VTCN1: variants seen among roughly 807,000 people sequenced by gnomAD.
VTCN1 encodes V-set domain-containing T-cell activation inhibitor 1.
In VTCN1, 26 loss-of-function variants were observed where a neutral mutation model predicts 26.5. The ratio of observed to expected loss-of-function variants is 0.98; its 90% CI spans 0.72 to 1.36. The LOEUF is 1.36. Ranked by LOEUF, VTCN1 falls within the 40% of genes most tolerant of loss-of-function variation. The pLI is 0.00. For missense variants in VTCN1, 298 were observed against 337.7 expected, an observed-to-expected ratio of 0.88 and a Z score of 0.92; for synonymous variants, 116 against 130.7, an observed-to-expected ratio of 0.89 and a Z score of 0.77.
At position 117,175,773 on chromosome 1, in the gene VTCN1, CT is replaced by C. The variant is rs1283482845; in HGVS notation, c.33-5603del. Among the ~76,000 whole-genome samples the C allele has an allele frequency of 9.9e-4, 38 of 38,292 alleles. No homozygotes were observed. Among genetic ancestry groups the C allele is most frequent in the Non-Finnish European group, 2.0e-3 (18 of 9,018 alleles). The allele number at this position is 38,292 out of a possible 152,430, so 25.1% of individuals were successfully genotyped here. A position where few individuals can be genotyped will look rare whatever the true frequency, so the allele number is the denominator to read the frequency against. ...GATACCTATCTCTCTCTCTCTCTCT[CT>C]TTTTTTTTTTTTTTGAGATGGAGTT... On this transcript the variant is annotated intron_variant, in intron 1 of 5. Coordinates refer to ENST00000369458, the MANE Select transcript of VTCN1 (RefSeq NM_024626.4). This position sits in a 1 kb window ranked among gnomAD's most constrained non-coding sequence, Gnocchi z 4.2.
intron 1 of VTCN1, chr1:117,203,824 C>G (rs780062180): frequency 3.1e-6 from 3 of 977,476 alleles, no homozygotes; most frequent in Non-Finnish European, 2.4e-6. Flanking sequence ...CTTGTTACGC[C>G]ACAGATTACC....
chr1:117,204,697 TC>T lies in VTCN1; in HGVS notation c.32+6126del, dbSNP rs1248783210. On this transcript the variant is annotated intron_variant, in intron 1 of 5. Coordinates refer to ENST00000369458, the MANE Select transcript of VTCN1 (RefSeq NM_024626.4). ...CTGGCTAACACGGTGAAACCTCGTC[TC>T]TACTAAAAATACAAAAAATTAGCTG... Among the ~76,000 whole-genome samples, 4 of 151,934 alleles carry T rather than the reference TC, an allele frequency of 2.6e-5. No homozygotes were observed. The East Asian group carries it at 7.7e-4, about 29-fold the overall frequency.
chr1:117,146,901 T>G lies in VTCN1; in HGVS notation c.*45+712A>C, dbSNP rs1651541110. ...CAAAACCAGTCGGGGTGTGAGATGA[T>G]GAAGGCTGGATTAGGGTCAATCTGA... On this transcript the variant is annotated intron_variant, in intron 5 of 5. Coordinates refer to ENST00000369458, the MANE Select transcript of VTCN1 (RefSeq NM_024626.4). The surrounding 1 kb of genome is among the most constrained non-coding windows in gnomAD (Gnocchi z 4.2). 6.6e-6 allele frequency among the ~76,000 whole-genome samples: 1 copy of G among 152,002 alleles called. No homozygotes were observed. Among genetic ancestry groups the G allele is most frequent in the Non-Finnish European group, 1.5e-5 (1 of 68,004 alleles).
In VTCN1 at chr1:117,145,431, C is replaced by G. The variant is rs7523182; in HGVS notation, c.*46-206G>C. On this transcript the variant is annotated intron_variant, in intron 5 of 5. Coordinates refer to ENST00000369458, the MANE Select transcript of VTCN1 (RefSeq NM_024626.4). This position sits in a 1 kb window ranked among gnomAD's most constrained non-coding sequence, Gnocchi z 4.6. ...AGAGATGGCTTGAATCTCTCCTTAA[C>G]GGGGTATCATCCCAGTGGCAGTCTC... Among the ~76,000 whole-genome samples, 12,234 of 152,140 alleles carry G rather than the reference C, an allele frequency of 0.08. 675 individuals carry two copies. The highest frequency in any genetic ancestry group is 0.16 in the Middle Eastern group (48 of 294).
intron 4 of VTCN1, among the ~76,000 whole-genome samples, chr1:117,149,102 G>T (rs1651660964): frequency 6.6e-6 from 1 of 152,174 alleles, no homozygotes; most frequent in Non-Finnish European, 1.5e-5. Context: ...GATGACACTG[G>T]TGGGGATCCC....
intron 4 of VTCN1, among the ~76,000 whole-genome samples, chr1:117,152,366 T>C (rs1046918313): frequency 6.6e-6 from 1 of 152,216 alleles, no homozygotes; most frequent in Non-Finnish European, 1.5e-5. Flanking sequence ...CCTGACGTAC[T>C]CCTTTCACTA....
chr1:117,199,048 G>C (rs544319711), intron 1 of VTCN1, among the ~76,000 whole-genome samples: 156 of 152,260 alleles, frequency 1.0e-3, no homozygotes, highest in African/African-American at 3.6e-3. Context: ...GTGGGAGAAG[G>C]CCCTAGATGC....
chr1:117,182,517 T>C (rs1647721531), intron 1 of VTCN1, among the ~76,000 whole-genome samples: 2 of 152,206 alleles, frequency 1.3e-5, no homozygotes, highest in Non-Finnish European at 2.9e-5. Flanking sequence ...GCGGCTGCTC[T>C]GGTACCATAA....
At chr1:117,191,128 A>G (rs1348752897) in intron 1 of VTCN1, among the ~76,000 whole-genome samples, 1 of 152,254 alleles carries the variant, frequency 6.6e-6, no homozygotes, top group African/African-American at 2.4e-5. Context: ...ATCACAGAAC[A>G]GAAACATTTG....
In VTCN1 at chr1:117,159,778, C is replaced by T. The variant is rs1005380796; in HGVS notation, c.98-2857G>A. Among the ~76,000 whole-genome samples, 1 of 152,188 alleles carries T rather than the reference C, an allele frequency of 6.6e-6. No individual in the cohort carries two copies. The highest frequency in any genetic ancestry group is 6.5e-5 in the Admixed American group (1 of 15,284). On this transcript the variant is annotated intron_variant, in intron 2 of 5. Coordinates refer to ENST00000369458, the MANE Select transcript of VTCN1 (RefSeq NM_024626.4). This position sits in a 1 kb window ranked among gnomAD's most constrained non-coding sequence, Gnocchi z 4.7. Reference sequence around the variant, plus strand: ...TGTTTGAATGACATAGAAACTAAGGCAGTGAGAAAATAACTGATTTGATCA... The same window carrying T: ...TGTTTGAATGACATAGAAACTAAGGTAGTGAGAAAATAACTGATTTGATCA...
In VTCN1 at chr1:117,210,856, G is replaced by A. The variant is rs1649314021; in HGVS notation, c.-1C>T. The A allele has an allele frequency of 6.2e-7, 1 of 1,614,036 alleles. No individual in the cohort carries two copies. Among genetic ancestry groups the A allele is most frequent in the African/African-American group, 1.3e-5 (1 of 74,940 alleles). On this transcript the variant is annotated 5_prime_UTR_variant, in exon 1 of 6. Transcript: ENST00000369458. ...AGAGGATCTGCCCCAGGGAAGCCAT[G>A]GCTGGGGAAGGTTCCCAGCGTATCT...
At position 117,147,882 on chromosome 1, in the gene VTCN1, G is replaced by C. The variant is rs894133351; in HGVS notation, c.725-100C>G. Reference sequence around the variant, plus strand: ...GAAAAGTACCTGAAAAACAGAACAAGTTGTTCCTAATTCAGGCAATTTTTT... The same window carrying C: ...GAAAAGTACCTGAAAAACAGAACAACTTGTTCCTAATTCAGGCAATTTTTT... On this transcript the variant is annotated intron_variant, in intron 4 of 5. Transcript: ENST00000369458. This position sits in a 1 kb window ranked among gnomAD's most constrained non-coding sequence, Gnocchi z 4.6. 3.1e-5 allele frequency: 46 copies of C among 1,486,266 alleles called. No homozygotes were observed. The highest frequency in any genetic ancestry group is 6.3e-6 in the Non-Finnish European group (7 of 1,116,518). 92.1% of individuals were successfully genotyped at this position (1,486,266 alleles called of 1,614,324 possible). A position where few individuals can be genotyped will look rare whatever the true frequency, so the allele number is the denominator to read the frequency against.
intron 2 of VTCN1, among the ~76,000 whole-genome samples, chr1:117,162,834 G>A (rs547328585): frequency 1.3e-5 from 2 of 152,270 alleles, no homozygotes; most frequent in African/African-American, 2.4e-5. Context: ...TGAAGTGGGG[G>A]TATAGGTAAC....
chr1:117,203,736 C>A lies in VTCN1; in HGVS notation c.32+7088G>T, dbSNP rs1051859689. The A allele has an allele frequency of 6.8e-5, 67 of 985,282 alleles. No homozygotes were observed. In the African/African-American group the frequency reaches 1.1e-3, roughly 16 times the overall value. 61.0% of individuals were successfully genotyped at this position (985,282 alleles called of 1,614,324 possible). ...GATCCCAGGTGAAATTTATATCTAT[C>A]TGGATTAAATCCTTGTGCTTTTCTG... On this transcript the variant is annotated intron_variant, in intron 1 of 5. Coordinates refer to ENST00000369458, the MANE Select transcript of VTCN1 (RefSeq NM_024626.4).
intron 1 of VTCN1, among the ~76,000 whole-genome samples, chr1:117,193,727 A>C (rs1462707273): frequency 6.6e-6 from 1 of 152,134 alleles, no homozygotes; most frequent in East Asian, 1.9e-4. Flanking sequence ...GGTAGGCCTC[A>C]ATAATTCTAC....
intron 1 of VTCN1, among the ~76,000 whole-genome samples, chr1:117,204,049 G>A (rs4659215): frequency 1 from 151,652 of 152,322 alleles, 75,499 homozygotes; most frequent in East Asian, 1. Flanking sequence ...GAAAGACGAT[G>A]TCTGAGTCCA....
chr1:117,171,356 T>G (rs1465279177), intron 1 of VTCN1, among the ~76,000 whole-genome samples: 2 of 152,228 alleles, frequency 1.3e-5, no homozygotes, highest in East Asian at 3.8e-4. Flanking sequence ...TATAATCCTT[T>G]GGGTATATAC....
At position 117,167,549 on chromosome 1, in the gene VTCN1, A is replaced by T. The variant is rs1570954410; in HGVS notation, c.97+2558T>A. On this transcript the variant is annotated intron_variant, in intron 2 of 5. Coordinates refer to ENST00000369458, the MANE Select transcript of VTCN1 (RefSeq NM_024626.4). This position sits in a 1 kb window ranked among gnomAD's most constrained non-coding sequence, Gnocchi z 4.1. ...CTGTCACCAGGAAACAGAAATTAAA[A>T]CCACAAAATTCCACAACACCCAGTA... Among the ~76,000 whole-genome samples the T allele has an allele frequency of 6.6e-6, 1 of 152,316 alleles. No individual in the cohort carries two copies. The highest frequency in any genetic ancestry group is 1.9e-4 in the East Asian group (1 of 5,190).
intron 1 of VTCN1, among the ~76,000 whole-genome samples, chr1:117,181,838 G>C (rs1049555572): frequency 6.6e-6 from 1 of 152,152 alleles, no homozygotes; most frequent in Non-Finnish European, 1.5e-5. Flanking sequence ...TCATCAGTCA[G>C]CGTGGTCATC....
Sources: gnomAD v4.1 joint callset for allele counts (sites outside exome capture counted in the v4.1 genomes callset) on GRCh38, gnomAD v4.1.1 for gene constraint, Gnocchi (gnomAD v3.1) non-coding constraint, MANE v1.5 for transcripts, NCBI Gene and HGNC (gene_info 2026-07-23, HGNC 2026-07-21) for gene names.